CADM2: variants seen among roughly 807,000 people sequenced by gnomAD.
The protein encoded by CADM2 is cell adhesion molecule 2, also known as immunoglobulin superfamily member 4D.
A neutral mutation model predicts 49.8 loss-of-function variants in CADM2; 12 were observed. The ratio of observed to expected loss-of-function variants is 0.24; its 90% CI spans 0.15 to 0.39. The LOEUF (loss-of-function observed/expected upper bound fraction) is 0.39, where lower values mean the gene tolerates loss of function less well. Among genes scored for constraint, CADM2 ranks in the 10% least tolerant of loss-of-function variants. The probability of loss-of-function intolerance (pLI) is 1.00; values close to 1 mark genes in which losing one functional copy is unlikely to be tolerated. For synonymous variants in CADM2, 214 were observed against 175.4 expected, an observed-to-expected ratio of 1.22 and a Z score of -1.74; for missense variants, 378 against 492.3, an observed-to-expected ratio of 0.77 and a Z score of 2.20.
chr3:85,244,904 T>A (rs940887157), intron 1 of CADM2, among the ~76,000 whole-genome samples: 5 of 152,168 alleles, frequency 3.3e-5, no homozygotes, highest in Admixed American at 3.3e-4. Flanking sequence ...AATAATAAAT[T>A]GTTTGATTTT....
chr3:85,518,872 A>C (rs921251678), intron 1 of CADM2, among the ~76,000 whole-genome samples: 4 of 152,112 alleles, frequency 2.6e-5, no homozygotes, highest in Non-Finnish European at 5.9e-5. Context: ...TTTTCTTATA[A>C]AATAACATTT....
chr3:85,952,799 C>T (rs1723601546), intron 7 of CADM2, among the ~76,000 whole-genome samples: 1 of 150,778 alleles, frequency 6.6e-6, no homozygotes, highest in African/African-American at 2.4e-5. Context: ...TATGTAGGAA[C>T]TTGTTATCTG....
chr3:85,921,792 A>G (rs1719156257), intron 6 of CADM2, among the ~76,000 whole-genome samples: 1 of 151,654 alleles, frequency 6.6e-6, no homozygotes, highest in South Asian at 2.1e-4. Context: ...CATCCAATTT[A>G]ATTCTACAGC....
chr3:85,342,183 C>T (rs976272275), intron 1 of CADM2, among the ~76,000 whole-genome samples: 2 of 151,676 alleles, frequency 1.3e-5, no homozygotes, highest in Non-Finnish European at 2.9e-5. Context: ...ACAAACAACC[C>T]CATCAAAAAA....
At chr3:85,073,997 A>T (rs1440378225) in intron 1 of CADM2, among the ~76,000 whole-genome samples, 1 of 152,172 alleles carries the variant, frequency 6.6e-6, no homozygotes, top group Admixed American at 6.6e-5. Flanking sequence ...TAATATTTAA[A>T]TTGATTAAAT....
chr3:85,855,621 C>CATATATATATATATATATAT (rs142144366), intron 3 of CADM2, among the ~76,000 whole-genome samples: 1 of 54,000 alleles, frequency 1.9e-5, no homozygotes, highest in Non-Finnish European at 4.7e-5. Context: ...ATATATAAAA[C>CATATATATATATATATATAT]ATATATATAT....
chr3:85,883,229 G>A, intron 3 of CADM2, 62 bp from the exon 4 acceptor site: 2 of 1,353,126 alleles, frequency 1.5e-6, no homozygotes, highest in South Asian at 1.5e-5. Flanking sequence ...AAAATATATA[G>A]TCTAAAAATA....
chr3:85,987,814 T>C (rs1728302948), intron 8 of CADM2, among the ~76,000 whole-genome samples: 1 of 151,522 alleles, frequency 6.6e-6, no homozygotes, highest in African/African-American at 2.4e-5. Context: ...AAGAAGCATA[T>C]TCTACATATA....
chr3:85,668,295 C>CAAAAAAAAAA (rs11447925), intron 1 of CADM2, among the ~76,000 whole-genome samples: 3 of 81,748 alleles, frequency 3.7e-5, no homozygotes, highest in African/African-American at 4.5e-5. Flanking sequence ...AGTACCAAAG[C>CAAAAAAAAAA]AAAAAAAAAA....
intron 1 of CADM2, among the ~76,000 whole-genome samples, chr3:85,146,539 A>G (rs753773961): frequency 3.9e-5 from 6 of 152,222 alleles, no homozygotes; most frequent in Admixed American, 2.6e-4. Context: ...AGAATAACTA[A>G]TGTTGAATAT....
chr3:85,567,001 A>G (rs1244142283), intron 1 of CADM2, among the ~76,000 whole-genome samples: 3 of 152,152 alleles, frequency 2.0e-5, no homozygotes, highest in Non-Finnish European at 4.4e-5. Context: ...TAAGCTTCCC[A>G]TCTTTAAAAA....
chr3:85,430,349 G>A lies in CADM2; in HGVS notation c.62-296173G>A, dbSNP rs146104332. The stretch of plus-strand genomic sequence containing the variant: ...AGAAACCACTCTGAAGACAATAAAT[G>A]TATTGACTCATGAAAGGAGGCTGGG... On this transcript the variant is annotated intron_variant, in intron 1 of 9. Coordinates refer to ENST00000383699, the MANE Select transcript of CADM2 (RefSeq NM_001167675.2). Among the ~76,000 whole-genome samples the A allele has an allele frequency of 2.2e-4, 33 of 152,024 alleles. No homozygotes were observed. In the East Asian group the frequency reaches 3.1e-3, roughly 14 times the overall value.
intron 1 of CADM2, among the ~76,000 whole-genome samples, chr3:85,463,599 A>G (rs2107594541): frequency 6.6e-6 from 1 of 152,330 alleles, no homozygotes; most frequent in East Asian, 1.9e-4. Context: ...GTATATTAAT[A>G]AATGTGTACA....
At chr3:85,933,493 G>A (rs150656737) in intron 6 of CADM2, among the ~76,000 whole-genome samples, 75 of 152,194 alleles carry the variant, frequency 4.9e-4, no homozygotes, top group African/African-American at 1.6e-3. Context: ...ATAAAAGACA[G>A]CCTCAGGGTC....
intron 1 of CADM2, among the ~76,000 whole-genome samples, chr3:85,575,138 T>C (rs769499958): frequency 6.6e-6 from 1 of 152,214 alleles, no homozygotes; most frequent in Non-Finnish European, 1.5e-5. Context: ...TTAGCTACCA[T>C]ATCAATGAGA....
At chr3:85,997,316 C>T (rs1729549705) in intron 8 of CADM2, among the ~76,000 whole-genome samples, 2 of 152,114 alleles carry the variant, frequency 1.3e-5, no homozygotes. Flanking sequence ...TTATTAGAAC[C>T]ATGAACTTTA....
intron 1 of CADM2, among the ~76,000 whole-genome samples, chr3:85,343,437 TC>T (rs1192662943): frequency 1.3e-5 from 2 of 152,162 alleles, no homozygotes; most frequent in Non-Finnish European, 2.9e-5. Flanking sequence ...TCTAGGATTT[TC>T]CCCTCAAGTT....
At chr3:85,703,392 C>A (rs147924280) in intron 1 of CADM2, among the ~76,000 whole-genome samples, 2 of 152,226 alleles carry the variant, frequency 1.3e-5, no homozygotes, top group Admixed American at 1.3e-4. Flanking sequence ...GAGATAAAGT[C>A]TTATATGTAC....
intron 4 of CADM2, among the ~76,000 whole-genome samples, chr3:85,883,730 T>C (rs549573429): frequency 6.6e-4 from 101 of 152,338 alleles, no homozygotes; most frequent in African/African-American, 2.2e-3. Context: ...TTCAGCTAAT[T>C]TCTTTTTTAT....
Sources: allele counts gnomAD v4.1 joint callset (sites outside exome capture counted in the v4.1 genomes callset), GRCh38; gene constraint gnomAD v4.1.1; transcripts MANE v1.5; gene names NCBI Gene and HGNC (gene_info 2026-07-23, HGNC 2026-07-21).